Variants in FRMPD3 observed in about 807,000 individuals in gnomAD.
FRMPD3 encodes the protein FERM and PDZ domain-containing protein 3.
FRMPD3 carries 42 observed loss-of-function variants against 97.9 expected under a neutral mutation model. The ratio of observed to expected loss-of-function variants is 0.43; its 90% CI spans 0.34 to 0.55. The LOEUF (loss-of-function observed/expected upper bound fraction) is 0.55. Among genes scored for constraint, FRMPD3 ranks in the 20% least tolerant of loss-of-function variants. The pLI is 0.03. For missense variants in FRMPD3, 1,303 were observed against 1,457.7 expected (o/e 0.89, Z 1.73); for synonymous variants, 577 against 581.1 (o/e 0.99, Z 0.10).
At chrX:107,508,530 GA>G (rs1021574612) in intron 1 of FRMPD3, among the ~76,000 whole-genome samples, 16 of 111,921 alleles carry the variant, frequency 1.4e-4, no homozygotes, top group Non-Finnish European at 3.0e-4. Flanking sequence ...TGAAGGAACT[GA>G]GGCTCAAGAG....
chrX:107,516,652 T>C (rs1286695325), intron 1 of FRMPD3, among the ~76,000 whole-genome samples: 1 of 112,006 alleles, frequency 8.9e-6, no homozygotes, highest in Non-Finnish European at 1.9e-5. Context: ...TTTCATGTGT[T>C]TTTTGGCTGC....
intron 4 of FRMPD3, among the ~76,000 whole-genome samples, chrX:107,542,351 G>A (rs1921350752): frequency 8.9e-6 from 1 of 111,954 alleles, no homozygotes; most frequent in South Asian, 3.8e-4. Context: ...TTTGGCTCAG[G>A]ATGAGAAGTC....
intron 4 of FRMPD3, among the ~76,000 whole-genome samples, chrX:107,538,948 C>T (rs1921153937): frequency 8.9e-6 from 1 of 112,555 alleles, no homozygotes; most frequent in Non-Finnish European, 1.9e-5. Flanking sequence ...CGTGAGCCAC[C>T]ACACCTGGCC....
chrX:107,489,889 GT>G (rs1233855798), intron 1 of FRMPD3, among the ~76,000 whole-genome samples: 2 of 111,778 alleles, frequency 1.8e-5, no homozygotes, highest in Admixed American at 9.5e-5. Context: ...TGCTTTTGGT[GT>G]TTTAGACATG....
intron 4 of FRMPD3, among the ~76,000 whole-genome samples, chrX:107,540,829 A>G (rs1459720304): frequency 8.9e-6 from 1 of 112,311 alleles, no homozygotes; most frequent in Non-Finnish European, 1.9e-5. Context: ...AGAGATTCTA[A>G]CTTTTAAAAT....
chrX:107,487,190 G>T (rs1921528834), intron 1 of FRMPD3, among the ~76,000 whole-genome samples: 1 of 111,315 alleles, frequency 9.0e-6, no homozygotes, highest in South Asian at 3.8e-4. Context: ...GGAGGTGGAG[G>T]TTACAGTGAG....
chrX:107,521,244 T>G (rs1922499676), intron 1 of FRMPD3, among the ~76,000 whole-genome samples: 1 of 112,519 alleles, frequency 8.9e-6, no homozygotes, highest in African/African-American at 3.2e-5. Flanking sequence ...AACCCAGGCC[T>G]TCAATGCCAT....
chrX:107,509,359 G>C (rs1016888188), intron 1 of FRMPD3, among the ~76,000 whole-genome samples: 1 of 111,554 alleles, frequency 9.0e-6, no homozygotes, highest in African/African-American at 3.3e-5. Context: ...ATGAGAGGGA[G>C]ACCTTCCATG....
chrX:107,533,424 A>G, intron 3 of FRMPD3, 81 bp from the exon 4 acceptor site: 2 of 865,750 alleles, frequency 2.3e-6, no homozygotes, highest in Non-Finnish European at 3.4e-6. Flanking sequence ...AAGCCAGGGG[A>G]AGATTCTGGT....
intron 1 of FRMPD3, among the ~76,000 whole-genome samples, chrX:107,522,786 TAGAG>T (rs1378130764): frequency 9.0e-6 from 1 of 111,591 alleles, no homozygotes; most frequent in East Asian, 2.8e-4. Context: ...GGTCACTAAA[TAGAG>T]AGGGCAAGCC....
chrX:107,480,094 T>A (rs1921306121), intron 1 of FRMPD3, among the ~76,000 whole-genome samples: 1 of 110,404 alleles, frequency 9.1e-6, no homozygotes, highest in Non-Finnish European at 1.9e-5. Context: ...TTAGCTGCTG[T>A]GTATATTTGA....
At chrX:107,553,323 TC>T (rs759063836) in intron 7 of FRMPD3, among the ~76,000 whole-genome samples, 2 of 106,378 alleles carry the variant, frequency 1.9e-5, no homozygotes, top group East Asian at 6.0e-4. Context: ...CTCAGCCAAT[TC>T]CCAACTCCCA....
rs148269266 is a variant in FRMPD3 at position 107,490,802 on chromosome X, G to A, written c.-7-35780G>A. Among the ~76,000 whole-genome samples, 1,047 of 111,806 alleles carry A rather than the reference G, an allele frequency of 9.4e-3. 10 individuals are homozygous for A. The highest frequency in any genetic ancestry group is 0.032 in the African/African-American group (996 of 30,733). On this transcript the variant is annotated intron_variant, in intron 1 of 14. Transcript: ENST00000683843. ...GGAAAGGTGTGTGGTATGTACATAAGCCTTTCATGGGCCTGTCCATGATTT... is the reference window on the plus strand; with the variant it reads ...GGAAAGGTGTGTGGTATGTACATAAACCTTTCATGGGCCTGTCCATGATTT...
At chrX:107,505,188 C>T (rs931953837) in intron 1 of FRMPD3, among the ~76,000 whole-genome samples, 2 of 112,181 alleles carry the variant, frequency 1.8e-5, no homozygotes, top group Non-Finnish European at 3.8e-5. Context: ...TTCAAAGCTC[C>T]TTCACATCTA....
chrX:107,603,506 G>A lies in FRMPD3; in HGVS notation c.*133G>A, dbSNP rs2147661708. On this transcript the variant is annotated 3_prime_UTR_variant, in exon 15 of 15. Coordinates refer to ENST00000683843, the MANE Select transcript of FRMPD3 (RefSeq NM_001388459.1). Reference sequence around the variant, plus strand: ...GTCCAAGAGCCCATCAGTCTCCGGGGAGTGGAAACTCTCTTGATTGAGGCT... The same window carrying A: ...GTCCAAGAGCCCATCAGTCTCCGGGAAGTGGAAACTCTCTTGATTGAGGCT... The A allele has an allele frequency of 9.3e-7, 1 of 1,073,989 alleles. No homozygotes were observed. Among genetic ancestry groups the A allele is most frequent in the East Asian group, 3.3e-5 (1 of 29,970 alleles). 88.5% of individuals were successfully genotyped at this position (1,073,989 alleles called of 1,213,427 possible). A position where few individuals can be genotyped will look rare whatever the true frequency, so the allele number is the denominator to read the frequency against.
intron 13 of FRMPD3, among the ~76,000 whole-genome samples, chrX:107,581,611 T>C (rs1923395180): frequency 3.6e-5 from 4 of 111,719 alleles, no homozygotes; most frequent in Admixed American, 9.6e-5. Flanking sequence ...GAACATTTTT[T>C]GCCCCTCCCA....
chrX:107,512,164 G>A (rs1922184765), intron 1 of FRMPD3, among the ~76,000 whole-genome samples: 1 of 110,566 alleles, frequency 9.0e-6, no homozygotes, highest in Non-Finnish European at 1.9e-5. Flanking sequence ...TTTCTGATTT[G>A]CCCCTTGCCT....
chrX:107,484,836 A>C (rs1034373817), intron 1 of FRMPD3, among the ~76,000 whole-genome samples: 7 of 112,310 alleles, frequency 6.2e-5, no homozygotes, highest in Non-Finnish European at 1.3e-4. Flanking sequence ...TGTAGAGTCC[A>C]GCAATAGTCT....
rs1188574940 is a variant in FRMPD3 at position 107,597,773 on chromosome X, G to A, written c.1894G>A (p.Gly632Ser). Residue 632 changes from glycine to serine, a missense_variant, in exon 14 of 15, where the codon GGC becomes AGC. Coordinates refer to ENST00000683843, the MANE Select transcript of FRMPD3 (RefSeq NM_001388459.1). ...QLGPRKGGKPGSSRDNIVDLM... is the reference protein window; with the variant it reads ...QLGPRKGGKPSSSRDNIVDLM... ...GGGCCCTCGCAAAGGTGGGAAGCCTGGCTCCTCTCGTGACAATATAGTAGA... is the reference window on the plus strand; with the variant it reads ...GGGCCCTCGCAAAGGTGGGAAGCCTAGCTCCTCTCGTGACAATATAGTAGA... 3 of 1,183,829 alleles carry A rather than the reference G, an allele frequency of 2.5e-6. No individual in the cohort carries two copies. Among genetic ancestry groups the A allele is most frequent in the Non-Finnish European group, 3.4e-6 (3 of 882,561 alleles).
Sources: gnomAD v4.1 joint callset for allele counts (sites outside exome capture counted in the v4.1 genomes callset) on GRCh38, gnomAD v4.1.1 for gene constraint, MANE v1.5 for transcripts, NCBI Gene and HGNC (gene_info 2026-07-23, HGNC 2026-07-21) for gene names.